Variants in DMD observed in about 807,000 individuals in gnomAD.
DMD encodes mutant dystrophin.
DMD carries 63 observed loss-of-function variants against 330.1 expected under a neutral mutation model. That is an observed-to-expected ratio of 0.19 (90% confidence interval 0.16 to 0.24). The LOEUF (loss-of-function observed/expected upper bound fraction) is 0.24, where lower values mean the gene tolerates loss of function less well. DMD is among the 10% of genes least tolerant of loss of function. The pLI, the probability that DMD is intolerant of heterozygous loss-of-function variation, is 1.00. For missense variants in DMD, 3,344 were observed against 2,684.1 expected (o/e 1.25, Z -5.43); for synonymous variants, 1,223 against 959.8 (o/e 1.27, Z -5.07).
intron 43 of DMD, among the ~76,000 whole-genome samples, chrX:32,252,773 AATATATATAAATATATATAAAT>A (rs2097275621): frequency 8.4e-5 from 3 of 35,846 alleles, no homozygotes; most frequent in African/African-American, 3.3e-4. Flanking sequence ...AATATATATA[AATATATATAAATATATATAAAT>A]ATATATATAA....
chrX:31,989,990 C>T (rs745612805), intron 44 of DMD, among the ~76,000 whole-genome samples: 1 of 110,731 alleles, frequency 9.0e-6, no homozygotes, highest in Non-Finnish European at 1.9e-5. Context: ...GTGCCTAATT[C>T]GTGTTGGAAA....
intron 55 of DMD, among the ~76,000 whole-genome samples, chrX:31,612,144 C>T (rs1199269954): frequency 9.0e-6 from 1 of 111,168 alleles, no homozygotes; most frequent in African/African-American, 3.3e-5. Flanking sequence ...TCTCTTCTTC[C>T]TCCAGCTCCT....
At chrX:32,536,249 G>T (rs1424656227) in intron 17 of DMD, among the ~76,000 whole-genome samples, 1 of 81,984 alleles carries the variant, frequency 1.2e-5, no homozygotes, top group African/African-American at 5.5e-5. Flanking sequence ...TGGCAACAGA[G>T]TGAGACTCCG....
rs183899694 is a variant in DMD, at chrX:32,324,302, T to C, written c.5923-14026A>G. Reference sequence around the variant, plus strand: ...TGCATAAGTTAAAAAGACAAAATTATCTAGTTTAAAATGCACACTCCATCT... The same window carrying C: ...TGCATAAGTTAAAAAGACAAAATTACCTAGTTTAAAATGCACACTCCATCT... On this transcript the variant is annotated intron_variant, in intron 41 of 78. Coordinates refer to ENST00000357033, the MANE Select transcript of DMD (RefSeq NM_004006.3). Among the ~76,000 whole-genome samples the C allele has an allele frequency of 1.8e-3, 195 of 111,389 alleles. 2 individuals are homozygous for C. The highest frequency in any genetic ancestry group is 6.2e-3 in the African/African-American group (190 of 30,751).
At chrX:32,821,428 C>T (rs1329746825) in intron 5 of DMD, among the ~76,000 whole-genome samples, 2 of 88,789 alleles carry the variant, frequency 2.3e-5, no homozygotes, top group Non-Finnish European at 4.4e-5. Context: ...ACTAAAAATA[C>T]AAAAAAAAAT....
intron 9 of DMD, among the ~76,000 whole-genome samples, chrX:32,679,589 G>A (rs1443487701): frequency 9.0e-6 from 1 of 110,905 alleles, no homozygotes; most frequent in African/African-American, 3.3e-5. Flanking sequence ...GAATCTTAAT[G>A]TCAGGCAGTG....
At chrX:31,336,385 A>G (rs746999063) in intron 61 of DMD, among the ~76,000 whole-genome samples, 2 of 112,233 alleles carry the variant, frequency 1.8e-5, no homozygotes, top group African/African-American at 6.5e-5. Context: ...GACAGCCCCC[A>G]ATAATTTTTG....
intron 19 of DMD, among the ~76,000 whole-genome samples, chrX:32,497,106 C>A (rs952446626): frequency 8.9e-6 from 1 of 111,941 alleles, no homozygotes; most frequent in Non-Finnish European, 1.9e-5. Flanking sequence ...CCTACCCTCA[C>A]CCATCTGACA....
intron 44 of DMD, among the ~76,000 whole-genome samples, chrX:32,027,259 C>T (rs947000536): frequency 7.5e-5 from 8 of 106,921 alleles, no homozygotes; most frequent in Admixed American, 4.1e-4. Flanking sequence ...ATTTTTCATA[C>T]CTTTCATCCT....
chrX:31,794,997 A>G (rs748889063), intron 50 of DMD, among the ~76,000 whole-genome samples: 1 of 112,271 alleles, frequency 8.9e-6, no homozygotes, highest in East Asian at 2.8e-4. Flanking sequence ...CGTTGAACAA[A>G]TATTAACTGG....
chrX:32,817,875 T>A (rs943934444), intron 5 of DMD, among the ~76,000 whole-genome samples: 4 of 112,134 alleles, frequency 3.6e-5, no homozygotes, highest in Non-Finnish European at 7.5e-5. Context: ...TTTGAGATGA[T>A]GCTTTGTAAA....
intron 60 of DMD, among the ~76,000 whole-genome samples, chrX:31,411,733 A>G (rs902058559): frequency 4.5e-5 from 5 of 110,621 alleles, no homozygotes; most frequent in Admixed American, 9.6e-5. Flanking sequence ...TCCTGGGTTC[A>G]AGCTATTCTC....
At chrX:31,837,020 T>C (rs1003245811) in intron 48 of DMD, among the ~76,000 whole-genome samples, 2 of 111,774 alleles carry the variant, frequency 1.8e-5, no homozygotes, top group African/African-American at 6.5e-5. Flanking sequence ...ATTCATCCAA[T>C]ATCTTCTTGA....
intron 2 of DMD, among the ~76,000 whole-genome samples, chrX:32,986,639 T>C (rs1441274696): frequency 2.7e-5 from 3 of 112,305 alleles, no homozygotes; most frequent in African/African-American, 9.7e-5. Context: ...CTAGGTGCTT[T>C]TTAAGTTTTC....
At chrX:31,364,513 C>G (rs748432260) in intron 60 of DMD, among the ~76,000 whole-genome samples, 4 of 111,937 alleles carry the variant, frequency 3.6e-5, no homozygotes, top group Non-Finnish European at 7.5e-5. Context: ...CACTTACAGC[C>G]AAGAGTCCAG....
At chrX:31,806,549 T>G (rs947069589) in intron 50 of DMD, among the ~76,000 whole-genome samples, 5 of 112,955 alleles carry the variant, frequency 4.4e-5, no homozygotes, top group Admixed American at 2.8e-4. Context: ...CAGTTGATAT[T>G]CATGTGACAG....
At chrX:31,219,618 C>T (rs1423890539) in intron 64 of DMD, among the ~76,000 whole-genome samples, 1 of 110,480 alleles carries the variant, frequency 9.1e-6, no homozygotes, top group African/African-American at 3.3e-5. Flanking sequence ...TATCTCTTCC[C>T]TCCCTTGGGC....
chrX:33,168,511 C>A (rs2049173296), intron 1 of DMD, among the ~76,000 whole-genome samples: 1 of 108,981 alleles, frequency 9.2e-6, no homozygotes, highest in South Asian at 3.9e-4. Context: ...TAATTTGGGT[C>A]TTAAGGTAAA....
intron 74 of DMD, among the ~76,000 whole-genome samples, chrX:31,155,304 G>A (rs182454149): frequency 3.5e-5 from 4 of 112,735 alleles, no homozygotes; most frequent in African/African-American, 9.6e-5. Flanking sequence ...TCCCTACTAC[G>A]TGTAGTTATA....
Sources: gnomAD v4.1 joint callset for allele counts (sites outside exome capture counted in the v4.1 genomes callset) on GRCh38, gnomAD v4.1.1 for gene constraint, MANE v1.5 for transcripts, NCBI Gene and HGNC (gene_info 2026-07-23, HGNC 2026-07-21) for gene names.